The following SIPA1L1 variants were observed in gnomAD, a reference collection of about 807,000 sequenced individuals.
SIPA1L1 encodes signal-induced proliferation-associated 1-like protein 1.
A neutral mutation model predicts 162.7 loss-of-function variants in SIPA1L1; 26 were observed. That is an observed-to-expected ratio of 0.16 (90% CI 0.12 to 0.22). The LOEUF (loss-of-function observed/expected upper bound fraction) is 0.22. SIPA1L1 is among the 10% of genes least tolerant of loss of function. The probability of loss-of-function intolerance (pLI) is 1.00; values close to 1 mark genes in which losing one functional copy is unlikely to be tolerated. For synonymous variants in SIPA1L1, 829 were observed against 837.4 expected, an observed-to-expected ratio of 0.99 and a Z score of 0.17; for missense variants, 1,874 against 2,241.0, an observed-to-expected ratio of 0.84 and a Z score of 3.31.
At chr14:71,329,913 A>G (rs1350324396) in intron 2 of SIPA1L1, among the ~76,000 whole-genome samples, 1 of 152,150 alleles carries the variant, frequency 6.6e-6, no homozygotes, top group Non-Finnish European at 1.5e-5. Context: ...GGGTGAAAAC[A>G]GGTTCTCATT....
intron 2 of SIPA1L1, among the ~76,000 whole-genome samples, chr14:71,447,309 G>T (rs1336785608): frequency 6.6e-6 from 1 of 152,082 alleles, no homozygotes; most frequent in Non-Finnish European, 1.5e-5. Flanking sequence ...AATGTTCATA[G>T]CCTAAATAAG....
At chr14:71,526,117 G>T (rs2052845739) in intron 3 of SIPA1L1, among the ~76,000 whole-genome samples, 1 of 152,094 alleles carries the variant, frequency 6.6e-6, no homozygotes, top group African/African-American at 2.4e-5. Context: ...TTTGAATCTG[G>T]GTATAGCATG....
chr14:71,646,363 A>C (rs1443252991), intron 7 of SIPA1L1, among the ~76,000 whole-genome samples: 2 of 152,074 alleles, frequency 1.3e-5, no homozygotes, highest in East Asian at 3.9e-4. Context: ...TTTTTAGTAG[A>C]GACGGGGTTT....
Position 71,679,530 on chromosome 14 carries a change from C to G in SIPA1L1, c.3105-5832C>G, listed in dbSNP as rs577037476. ...GCTAGGAAGAAATTGCATGAACTAA[C>G]AAGCAAAATAACCAGCTAACATCAT... On this transcript the variant is annotated intron_variant, in intron 12 of 23. Transcript: ENST00000381232. Among the ~76,000 whole-genome samples, 10 of 152,302 alleles carry G rather than the reference C, an allele frequency of 6.6e-5. No homozygotes were observed. The South Asian group carries it at 2.1e-3, about 32-fold the overall frequency.
chr14:71,685,592 C>T lies in SIPA1L1; in HGVS notation c.3335C>T (p.Pro1112Leu). 6.2e-7 allele frequency: 1 copy of T among 1,614,188 alleles called. No homozygotes were observed. The highest frequency in any genetic ancestry group is 8.5e-7 in the Non-Finnish European group (1 of 1,180,036). The change falls in exon 13 of 24, where the codon CCT (proline) becomes CTT (leucine). Residue 1112 changes from proline to leucine, a missense_variant. Coordinates refer to ENST00000381232, the MANE Select transcript of SIPA1L1 (RefSeq NM_001386936.1). ...MPPPERAANI[P>L]RSISSDGRPL... is the part of the protein sequence containing the mutation. ...CCTCCAGAAAGAGCCGCCAACATCC[C>T]TCGAAGCATCTCCAGTGACGGGCGC...
chr14:71,635,861 G>GT (rs2041092631), intron 7 of SIPA1L1, among the ~76,000 whole-genome samples: 1 of 152,018 alleles, frequency 6.6e-6, no homozygotes, highest in Non-Finnish European at 1.5e-5. Flanking sequence ...GTAGTTGAAA[G>GT]GAAAGAATGG....
intron 2 of SIPA1L1, among the ~76,000 whole-genome samples, chr14:71,456,076 ATTGGCAATTTGGTC>A (rs1362334299): frequency 6.6e-6 from 1 of 152,184 alleles, no homozygotes; most frequent in Non-Finnish European, 1.5e-5. Flanking sequence ...TCATTTTTTA[ATTGGCAATTTGGTC>A]TAAACAGTTT....
intron 2 of SIPA1L1, among the ~76,000 whole-genome samples, chr14:71,327,919 G>T (rs1183103411): frequency 6.6e-6 from 1 of 152,068 alleles, no homozygotes; most frequent in African/African-American, 2.4e-5. Context: ...TTTGTGTAGT[G>T]GGGGGCAGAT....
intron 2 of SIPA1L1, among the ~76,000 whole-genome samples, chr14:71,491,055 C>T (rs528829462): frequency 6.6e-6 from 1 of 152,110 alleles, no homozygotes; most frequent in South Asian, 2.1e-4. Flanking sequence ...CTTTTTAATC[C>T]TCAGAGTCCT....
In SIPA1L1 at chr14:71,377,163, C is replaced by T. The variant is rs541599991; in HGVS notation, c.-465+55982C>T. The stretch of plus-strand genomic sequence containing the variant: ...ATGGGGCGGCCAGGCAGAGGCAGCC[C>T]CCACCTCCCAGATGGGGCGGCGGCC... On this transcript the variant is annotated intron_variant, in intron 2 of 23. Coordinates refer to ENST00000381232, the MANE Select transcript of SIPA1L1 (RefSeq NM_001386936.1). The surrounding 1 kb of genome is among the most constrained non-coding windows in gnomAD (Gnocchi z 4.8). Among the ~76,000 whole-genome samples the T allele has an allele frequency of 5.3e-5, 8 of 149,778 alleles. No homozygotes were observed. The South Asian group carries it at 1.7e-3, about 32-fold the overall frequency.
In SIPA1L1 at chr14:71,739,352, CAAAA is replaced by C; in HGVS notation, c.*195_*198del. 2.5e-6 allele frequency: 1 copy of C among 403,322 alleles called. No homozygotes were observed. Among genetic ancestry groups the C allele is most frequent in the Non-Finnish European group, 4.3e-6 (1 of 233,770 alleles). The allele number at this position is 403,322 out of a possible 1,614,324, so 25.0% of individuals were successfully genotyped here. The stretch of plus-strand genomic sequence containing the variant: ...ACCTGCCTTTTGTAGAAAAGAAAAA[CAAAA>C]AAAGTAAATAAAAATTTTAAACAGT... On this transcript the variant is annotated 3_prime_UTR_variant, in exon 24 of 24. Coordinates refer to ENST00000381232, the MANE Select transcript of SIPA1L1 (RefSeq NM_001386936.1).
chr14:71,684,740 T>C (rs988295279), intron 12 of SIPA1L1, among the ~76,000 whole-genome samples: 1 of 151,938 alleles, frequency 6.6e-6, no homozygotes, highest in African/African-American at 2.4e-5. Context: ...TGGAGCCCAG[T>C]CAAGATGTGC....
intron 2 of SIPA1L1, among the ~76,000 whole-genome samples, chr14:71,370,944 A>G (rs2038831290): frequency 6.6e-6 from 1 of 152,206 alleles, no homozygotes; most frequent in Non-Finnish European, 1.5e-5. Flanking sequence ...TATAGAAAGT[A>G]CTTATAATAA....
At chr14:71,417,299 G>A (rs968838852) in intron 2 of SIPA1L1, among the ~76,000 whole-genome samples, 6 of 150,806 alleles carry the variant, frequency 4.0e-5, no homozygotes, top group African/African-American at 1.2e-4. Context: ...GTGAAACCCC[G>A]TCTCTACTAA....
At chr14:71,326,180 ATTGAT>A (rs1200456151) in intron 2 of SIPA1L1, among the ~76,000 whole-genome samples, 3 of 150,110 alleles carry the variant, frequency 2.0e-5, no homozygotes, top group Non-Finnish European at 4.4e-5. Context: ...AGGTATAGTC[ATTGAT>A]GGTTTTGTGG....
chr14:71,399,185 T>C (rs2041467334), intron 2 of SIPA1L1, among the ~76,000 whole-genome samples: 1 of 152,238 alleles, frequency 6.6e-6, no homozygotes, highest in South Asian at 2.1e-4. Flanking sequence ...AGCTGTGAAC[T>C]TCTGCTTTTC....
chr14:71,462,799 C>T (rs564122579), intron 2 of SIPA1L1, among the ~76,000 whole-genome samples: 37 of 152,228 alleles, frequency 2.4e-4, no homozygotes, highest in Non-Finnish European at 4.6e-4. Flanking sequence ...AAGGTCTCTC[C>T]GAATAAATTA....
chr14:71,325,580 G>A (rs1264752382), intron 2 of SIPA1L1, among the ~76,000 whole-genome samples: 2 of 152,196 alleles, frequency 1.3e-5, no homozygotes, highest in African/African-American at 4.8e-5. Flanking sequence ...CTGGCCTGGA[G>A]AGAGTAAGAT....
At chr14:71,354,574 G>T (rs2037057361) in intron 2 of SIPA1L1, among the ~76,000 whole-genome samples, 1 of 151,358 alleles carries the variant, frequency 6.6e-6, no homozygotes, top group African/African-American at 2.4e-5. Context: ...ACCGCGCCTG[G>T]CCCGATACTT....
Sources: gnomAD v4.1 joint callset for allele counts (sites outside exome capture counted in the v4.1 genomes callset) on GRCh38, gnomAD v4.1.1 for gene constraint, Gnocchi (gnomAD v3.1) non-coding constraint, MANE v1.5 for transcripts, NCBI Gene and HGNC (gene_info 2026-07-23, HGNC 2026-07-21) for gene names.